Variants in ETV4 observed in about 807,000 individuals in gnomAD.
ETV4 encodes ETS variant transcription factor 4.
ETV4 carries 42 observed loss-of-function variants against 65.9 expected under a neutral mutation model. The ratio of observed to expected loss-of-function variants is 0.64; its 90% CI spans 0.50 to 0.82. The LOEUF (loss-of-function observed/expected upper bound fraction) is 0.82. Among genes scored for constraint, ETV4 ranks in the 40% least tolerant of loss-of-function variants. ETV4 has a pLI of 0.00. For missense variants in ETV4, 583 were observed against 630.3 expected (o/e 0.92, Z 0.80); for synonymous variants, 238 against 260.0 (o/e 0.92, Z 0.81).
chr17:43,533,970 G>T lies in ETV4; in HGVS notation c.272C>A (p.Pro91His). The T allele has an allele frequency of 6.5e-7, 1 of 1,537,058 alleles. No individual in the cohort carries two copies. The change falls in exon 6 of 13, where the codon CCC becomes CAC. Residue 91 changes from proline to histidine, a missense_variant. Physicochemically the swap from Pro to His is moderately conservative, Grantham distance 77. Coordinates refer to ENST00000319349, the MANE Select transcript of ETV4 (RefSeq NM_001079675.5). ...FHSENLAFHS[P>H]TTRIKKEPQS... ...GGGCTCCTTCTTGATCCTGGTGGTG[G>T]GGCTGTGGAAAGCTACTGTGGGGGT...
intron 7 of ETV4, 104 bp from the exon 8 acceptor site, chr17:43,533,043 AGGGGGTT>A: frequency 6.7e-7 from 1 of 1,484,316 alleles, no homozygotes; most frequent in Admixed American, 2.2e-5. Context: ...AATGGGGGGT[AGGGGGTT>A]GGGGTGTCAG....
chr17:43,533,255 T>C lies in ETV4; in HGVS notation c.477A>G (p.Gln159=), dbSNP rs764396758. 1 of 1,613,834 alleles carries C rather than the reference T, an allele frequency of 6.2e-7. No individual in the cohort carries two copies. Among genetic ancestry groups the C allele is most frequent in the South Asian group, 1.1e-5 (1 of 91,066 alleles). ...TGCCAGAGGATCTCAGGAAATTCCG[T>C]TGCTCTGCCCGGGGAAAGGGCTGTA... ...SPLQPFPRAE[Q]RNFLRSSGTS... is the part of the protein sequence containing the mutation. Residue 159 remains glutamine (Q), a synonymous_variant, in exon 7 of 13, where the codon CAA becomes CAG. Transcript: ENST00000319349.
intron 4 of ETV4, among the ~76,000 whole-genome samples, chr17:43,539,215 T>C (rs2154587218): frequency 6.6e-6 from 1 of 152,308 alleles, no homozygotes; most frequent in South Asian, 2.1e-4. Context: ...CTCTCTGACC[T>C]GCCTCTCCTT....
At chr17:43,529,740 C>G in intron 10 of ETV4, 64 bp from the exon 11 acceptor site, 1 of 1,590,138 alleles carries the variant, frequency 6.3e-7, no homozygotes, top group Non-Finnish European at 8.6e-7. Flanking sequence ...CAACCGCCTC[C>G]CACCCGAGGG....
At position 43,532,868 on chromosome 17, in the gene ETV4, G is replaced by A. The variant is rs1222391032; in HGVS notation, c.617C>T (p.Pro206Leu). ...CGACAGCTGGTGTTGGTAGGGGGCT[G>A]GGAGGGGTTCCCGGCCCCCTCCCTG... Reference protein sequence around the residue: ...TSQGGGREPLPAPYQHQLSEP... With the variant: ...TSQGGGREPLLAPYQHQLSEP... Residue 206 changes from proline to leucine, a missense_variant, in exon 8 of 13, where the codon CCA (proline) becomes CTA (leucine). Physicochemically the swap from Pro to Leu is moderately conservative, Grantham distance 98 (BLOSUM62 -3). Transcript: ENST00000319349. 4 of 1,610,620 alleles carry A rather than the reference G, an allele frequency of 2.5e-6. No homozygotes were observed. The highest frequency in any genetic ancestry group is 1.3e-5 in the African/African-American group (1 of 74,818).
intron 12 of ETV4, 106 bp from the exon 13 acceptor site, chr17:43,528,849 G>T: frequency 1.2e-6 from 1 of 864,288 alleles, no homozygotes; most frequent in Non-Finnish European, 1.8e-6. Flanking sequence ...ACAGGCAGAT[G>T]CTCGGGGCAT....
rs1018271907 is a variant in ETV4 at position 43,528,453 on chromosome 17, C to A, written c.*66G>T. 8 of 1,126,454 alleles carry A rather than the reference C, an allele frequency of 7.1e-6. No individual in the cohort carries two copies. The highest frequency in any genetic ancestry group is 1.0e-5 in the Non-Finnish European group (8 of 791,462). 69.8% of individuals were successfully genotyped at this position (1,126,454 alleles called of 1,614,324 possible). A position where few individuals can be genotyped will look rare whatever the true frequency, so the allele number is the denominator to read the frequency against. ...GGGTTTCAGATGAAGGTTTCCCCAA[C>A]ACCAGATTCATTTATATGTACACAG... On this transcript the variant is annotated 3_prime_UTR_variant, in exon 13 of 13. Transcript: ENST00000319349.
In ETV4 at chr17:43,533,056, G is replaced by A. The variant is rs528803637; in HGVS notation, c.546-117C>T. The stretch of plus-strand genomic sequence containing the variant: ...GGAATGGGGGGTAGGGGGTTGGGGT[G>A]TCAGTATTTCTCCCTTTCTATTCCA... On this transcript the variant is annotated intron_variant, in intron 7 of 12. Coordinates refer to ENST00000319349, the MANE Select transcript of ETV4 (RefSeq NM_001079675.5). 1.1e-4 allele frequency: 159 copies of A among 1,490,528 alleles called. 1 individual carries two copies. In the South Asian group the frequency reaches 2.0e-3, roughly 19 times the overall value. The allele number at this position is 1,490,528 out of a possible 1,614,324, so 92.3% of individuals were successfully genotyped here. A position where few individuals can be genotyped will look rare whatever the true frequency, so the allele number is the denominator to read the frequency against.
At chr17:43,540,273 C>T (rs973693254) in intron 4 of ETV4, among the ~76,000 whole-genome samples, 1 of 151,956 alleles carries the variant, frequency 6.6e-6, no homozygotes, top group African/African-American at 2.4e-5. Flanking sequence ...GCCAATGTGG[C>T]GAAACCCCAT....
intron 8 of ETV4, among the ~76,000 whole-genome samples, chr17:43,532,369 G>A (rs1269136616): frequency 6.6e-6 from 1 of 152,036 alleles, no homozygotes; most frequent in Non-Finnish European, 1.5e-5. Context: ...CACGGTGGCT[G>A]GTGCCTGTAA....
In ETV4 at chr17:43,545,629, C is replaced by A. The variant is rs1334791370; in HGVS notation, c.-12G>T. ...ATCCTCCGCTCCATCCGGCCGCTCC[C>A]TCCGGCCGCACGGCCGGGGCCCCAA... On this transcript the variant is annotated 5_prime_UTR_variant, in exon 2 of 13. In the 5' UTR this introduces an upstream ATG that the reference lacks. Transcript: ENST00000319349. 1.3e-6 allele frequency: 2 copies of A among 1,550,228 alleles called. No homozygotes were observed. The highest frequency in any genetic ancestry group is 1.2e-5 in the South Asian group (1 of 84,046).
At chr17:43,545,533 G>GGCGGT in intron 2 of ETV4, 25 bp downstream of exon 2, 1 of 1,543,508 alleles carries the variant, frequency 6.5e-7, no homozygotes, top group Non-Finnish European at 8.8e-7. Flanking sequence ...GGCGGGGCGG[G>GGCGGT]CGTGGAGGCC....
rs1464267671 is a variant in ETV4, at chr17:43,529,140, G to A, written c.1225C>T (p.Gln409Ter). The A allele has an allele frequency of 6.2e-7, 1 of 1,613,660 alleles. No homozygotes were observed. The highest frequency in any genetic ancestry group is 8.5e-7 in the Non-Finnish European group (1 of 1,179,996). The change falls in exon 12 of 13, where the codon CAG (glutamine) becomes TAG (stop). Residue 409 changes from glutamine (Q) to a stop codon, truncating the protein, a stop_gained. Transcript: ENST00000319349. LOFTEE classifies it high-confidence loss of function. ...CCTAGACCCACAGCCCCCACCTTCT[G>A]CATGATGCCTTTCTCATAATAGTAT... ...LRYYYEKGIMQKVAGERYVYK... is the reference protein window; with the variant it reads ...LRYYYEKGIM
intron 4 of ETV4, among the ~76,000 whole-genome samples, chr17:43,543,170 G>T (rs1971608495): frequency 6.6e-6 from 1 of 151,830 alleles, no homozygotes; most frequent in South Asian, 2.1e-4. Context: ...GAACCAAGGA[G>T]ATCCCAGCGC....
chr17:43,545,658 G>A lies in ETV4; in HGVS notation c.-41C>T, dbSNP rs955705926. 20 of 1,543,444 alleles carry A rather than the reference G, an allele frequency of 1.3e-5. No homozygotes were observed. The African/African-American group carries it at 2.6e-4, about 20-fold the overall frequency. On this transcript the variant is annotated 5_prime_UTR_variant, in exon 2 of 13. Coordinates refer to ENST00000319349, the MANE Select transcript of ETV4 (RefSeq NM_001079675.5). The stretch of plus-strand genomic sequence containing the variant: ...GGCCGCACGGCCGGGGCCCCAAGCG[G>A]GGGCCGAGACCTGGTGGGGGAGGGG...
At chr17:43,544,900 G>T in intron 4 of ETV4, 75 bp downstream of exon 4, 1 of 1,386,612 alleles carries the variant, frequency 7.2e-7, no homozygotes, top group Non-Finnish European at 1.0e-6. Context: ...GTAGGGCTTA[G>T]GGTGGAATAC....
intron 6 of ETV4, 24 bp downstream of exon 6, chr17:43,533,835 C>T: frequency 6.2e-7 from 1 of 1,605,848 alleles, no homozygotes; most frequent in Non-Finnish European, 8.5e-7. Flanking sequence ...TCCTACCCTT[C>T]ACCAGGTCCA....
intron 4 of ETV4, among the ~76,000 whole-genome samples, chr17:43,537,199 T>G (rs1326043161): frequency 6.6e-6 from 1 of 151,786 alleles, no homozygotes; most frequent in Non-Finnish European, 1.5e-5. Flanking sequence ...AACCCCATCT[T>G]TACTAAAAGT....
intron 12 of ETV4, 150 bp downstream of exon 12, chr17:43,528,985 C>T (rs1970736751): frequency 1.9e-5 from 16 of 840,208 alleles, no homozygotes; most frequent in Non-Finnish European, 3.1e-5. Context: ...GGAGGAGAAC[C>T]TTGGGATTCT....
Sources: gnomAD v4.1 joint callset for allele counts (sites outside exome capture counted in the v4.1 genomes callset) on GRCh38, gnomAD v4.1.1 for gene constraint, MANE v1.5 for transcripts, NCBI Gene and HGNC (gene_info 2026-07-23, HGNC 2026-07-21) for gene names.